MAST4: variants seen among roughly 807,000 people sequenced by gnomAD.
MAST4 encodes the protein microtubule associated serine/threonine kinase family member 4, also known as microtubule-associated serine/threonine-protein kinase 4.
Under a neutral mutation model 162.7 loss-of-function variants are expected in MAST4, and 89 were observed. The ratio of observed to expected loss-of-function variants is 0.55; its 90% CI spans 0.46 to 0.65. The LOEUF (loss-of-function observed/expected upper bound fraction) is 0.65, where lower values mean the gene tolerates loss of function less well. MAST4 is among the 30% of genes least tolerant of loss of function. The pLI, the probability that MAST4 is intolerant of heterozygous loss-of-function variation, is 0.00. For missense variants in MAST4, 3,153 were observed against 3,374.0 expected (o/e 0.93, Z 1.62); for synonymous variants, 1,479 against 1,361.1 (o/e 1.09, Z -1.91).
chr5:66,914,138 A>G (rs1763951830), intron 4 of MAST4, among the ~76,000 whole-genome samples: 1 of 152,032 alleles, frequency 6.6e-6, no homozygotes. Context: ...GTCAGCTTCT[A>G]CAAAAAAAAA....
chr5:66,957,239 TTTTC>T (rs1316710656), intron 4 of MAST4, among the ~76,000 whole-genome samples: 3 of 152,142 alleles, frequency 2.0e-5, no homozygotes, highest in African/African-American at 4.8e-5. Context: ...GATTTTTTTC[TTTTC>T]TTTGTTTATC....
chr5:67,007,659 C>T (rs1752195132), intron 4 of MAST4, among the ~76,000 whole-genome samples: 1 of 152,164 alleles, frequency 6.6e-6, no homozygotes, highest in African/African-American at 2.4e-5. Context: ...GAATGTTTGT[C>T]ACACTTAAAC....
chr5:67,030,606 G>A (rs1160273207), intron 4 of MAST4, among the ~76,000 whole-genome samples: 2 of 152,148 alleles, frequency 1.3e-5, no homozygotes, highest in Non-Finnish European at 2.9e-5. Context: ...GATCTGTTTT[G>A]TATTAGTAAT....
intron 4 of MAST4, among the ~76,000 whole-genome samples, chr5:66,922,483 T>C (rs1332245879): frequency 2.0e-5 from 3 of 152,384 alleles, no homozygotes; most frequent in East Asian, 3.9e-4. Flanking sequence ...TCCCTAGTTA[T>C]GAATCCCCAC....
intron 4 of MAST4, among the ~76,000 whole-genome samples, chr5:67,040,287 G>C (rs988829302): frequency 6.6e-6 from 1 of 152,096 alleles, no homozygotes; most frequent in Non-Finnish European, 1.5e-5. Context: ...AAAAAAATCT[G>C]CTGCATGCAT....
At chr5:67,156,977 A>G (rs924228701) in intron 26 of MAST4, among the ~76,000 whole-genome samples, 1 of 152,276 alleles carries the variant, frequency 6.6e-6, no homozygotes, top group Non-Finnish European at 1.5e-5. Context: ...AATAGTTTAA[A>G]GTAAAAGTGA....
At chr5:66,984,983 G>A (rs1008717544) in intron 4 of MAST4, among the ~76,000 whole-genome samples, 1 of 152,186 alleles carries the variant, frequency 6.6e-6, no homozygotes, top group Non-Finnish European at 1.5e-5. Flanking sequence ...GGAGAAGTTA[G>A]GTCTGGAGAA....
At position 67,165,645 on chromosome 5, in the gene MAST4, A is replaced by T; in HGVS notation, c.6466A>T (p.Ser2156Cys). ...TGCCAGGCAGCATTGCAGTTCCCCA[A>T]GCCACGCTTCTGGCAGAGAGCCGGG... is the stretch of plus-strand genomic sequence containing the variant. ...PAARQHCSSPSHASGREPGAK... is the reference protein window; with the variant it reads ...PAARQHCSSPCHASGREPGAK... Residue 2156 changes from serine (S) to cysteine (C), a missense_variant, in exon 29 of 29, where the codon AGC (serine) becomes TGC (cysteine). Ser to Cys is a moderately radical substitution (Grantham distance 112). This residue lies in a region of MAST4 where 1,644 missense variants were observed against 1,495.0 expected (regional missense o/e 1.10). Coordinates refer to ENST00000403625, the MANE Select transcript of MAST4 (RefSeq NM_001164664.2). The T allele has an allele frequency of 6.2e-7, 1 of 1,609,280 alleles. No homozygotes were observed. Among genetic ancestry groups the T allele is most frequent in the Admixed American group, 1.7e-5 (1 of 59,292 alleles).
intron 3 of MAST4, among the ~76,000 whole-genome samples, chr5:66,801,246 G>A (rs1205890419): frequency 6.6e-6 from 1 of 152,152 alleles, no homozygotes; most frequent in Non-Finnish European, 1.5e-5. Flanking sequence ...ATTTACTGTA[G>A]AATTTCAGAA....
chr5:66,603,571 C>G (rs960240787), intron 1 of MAST4, among the ~76,000 whole-genome samples: 1 of 152,190 alleles, frequency 6.6e-6, no homozygotes, highest in Non-Finnish European at 1.5e-5. Flanking sequence ...TGGTATGCAG[C>G]CATCCCAACT....
chr5:67,069,881 AGTGTGTGTGTGTGTGTGTGT>A (rs200867949), intron 5 of MAST4, among the ~76,000 whole-genome samples: 1 of 142,758 alleles, frequency 7.0e-6, no homozygotes, highest in Non-Finnish European at 1.5e-5. Flanking sequence ...TTTGAGAGAA[AGTGTGTGTGTGTGTGTGTGT>A]GTGTGTGTGT....
At chr5:67,068,272 C>T (rs191853558) in intron 5 of MAST4, among the ~76,000 whole-genome samples, 5 of 152,126 alleles carry the variant, frequency 3.3e-5, no homozygotes, top group African/African-American at 9.7e-5. Context: ...AAGAAATACT[C>T]GAGACTGGGT....
At chr5:66,643,225 A>G (rs1248425852) in intron 1 of MAST4, among the ~76,000 whole-genome samples, 1 of 152,174 alleles carries the variant, frequency 6.6e-6, no homozygotes, top group Non-Finnish European at 1.5e-5. Context: ...AAATGTCGGG[A>G]ACCATATTTT....
At chr5:66,999,175 A>G (rs1751002513) in intron 4 of MAST4, among the ~76,000 whole-genome samples, 1 of 152,116 alleles carries the variant, frequency 6.6e-6, no homozygotes, top group South Asian at 2.1e-4. Context: ...TCATCCCTGT[A>G]AGGATGCCAT....
chr5:66,986,958 A>G (rs1749581216), intron 4 of MAST4, among the ~76,000 whole-genome samples: 1 of 152,162 alleles, frequency 6.6e-6, no homozygotes, highest in Non-Finnish European at 1.5e-5. Flanking sequence ...GTACATGTGT[A>G]TGCTCTTATC....
chr5:66,936,478 G>A (rs1033450925), intron 4 of MAST4, among the ~76,000 whole-genome samples: 1 of 152,228 alleles, frequency 6.6e-6, no homozygotes, highest in African/African-American at 2.4e-5. Context: ...GGAGATAGGG[G>A]TGGGGCCATT....
intron 4 of MAST4, among the ~76,000 whole-genome samples, chr5:67,024,974 A>T (rs554323988): frequency 6.6e-6 from 1 of 152,300 alleles, no homozygotes; most frequent in Admixed American, 6.5e-5. Context: ...CATTAAAAAT[A>T]AGAATTTTAA....
At chr5:66,976,166 C>T (rs1748124667) in intron 4 of MAST4, among the ~76,000 whole-genome samples, 2 of 152,174 alleles carry the variant, frequency 1.3e-5, no homozygotes, top group African/African-American at 2.4e-5. Context: ...GTACCATGTA[C>T]ATGTGGGTAA....
At chr5:66,615,956 G>A (rs185884718) in intron 1 of MAST4, among the ~76,000 whole-genome samples, 87 of 152,300 alleles carry the variant, frequency 5.7e-4, no homozygotes, top group Admixed American at 1.0e-3. Flanking sequence ...GACTGTTAAT[G>A]AACTTACCCT....
Sources: gnomAD v4.1 joint callset for allele counts (sites outside exome capture counted in the v4.1 genomes callset) on GRCh38, gnomAD v4.1.1 for gene constraint, gnomAD v4.1.1 regional missense constraint, MANE v1.5 for transcripts, NCBI Gene and HGNC (gene_info 2026-07-23, HGNC 2026-07-21) for gene names.